TENM1: variants seen among roughly 807,000 people sequenced by gnomAD.
The protein encoded by TENM1 is teneurin-1.
In TENM1, 35 loss-of-function variants were observed where a neutral mutation model predicts 174.8. The ratio of observed to expected loss-of-function variants is 0.20; its 90% CI spans 0.15 to 0.27. TENM1 has a LOEUF of 0.27. Ranked by LOEUF, TENM1 falls within the 10% of genes least tolerant of loss-of-function variation. TENM1 has a pLI of 1.00. For missense variants in TENM1, 1,633 were observed against 2,130.1 expected (o/e 0.77, Z 4.59); for synonymous variants, 781 against 798.7 (o/e 0.98, Z 0.37).
chrX:124,916,299 A>T (rs1440271746), intron 1 of TENM1, among the ~76,000 whole-genome samples: 1 of 110,157 alleles, frequency 9.1e-6, no homozygotes, highest in Non-Finnish European at 1.9e-5. Flanking sequence ...CCCCTCCAAA[A>T]CTCATACTGA....
At chrX:124,791,344 A>G (rs763267802) in intron 3 of TENM1, among the ~76,000 whole-genome samples, 1 of 111,981 alleles carries the variant, frequency 8.9e-6, no homozygotes, top group South Asian at 3.7e-4. Context: ...AAAGCAAATG[A>G]TAACAGTCTA....
chrX:124,396,929 T>C (rs1030318316), intron 27 of TENM1, among the ~76,000 whole-genome samples: 3 of 111,648 alleles, frequency 2.7e-5, no homozygotes, highest in Non-Finnish European at 3.8e-5. Context: ...CCTTTGAGTT[T>C]GGCAACTGAC....
intron 27 of TENM1, among the ~76,000 whole-genome samples, chrX:124,403,855 T>C (rs1241906565): frequency 1.8e-5 from 2 of 111,612 alleles, no homozygotes. Flanking sequence ...CCCTAACTCA[T>C]TCAGATTACC....
intron 23 of TENM1, among the ~76,000 whole-genome samples, chrX:124,433,100 T>C (rs1449474897): frequency 2.7e-5 from 3 of 111,961 alleles, no homozygotes; most frequent in Non-Finnish European, 5.6e-5. Flanking sequence ...ACATCTAGCC[T>C]GGCTGCTCTC....
the TENM1 span, among the ~76,000 whole-genome samples, chrX:125,056,156 T>TTACCACAGATG: frequency 5.0e-3 from 562 of 111,785 alleles, 3 homozygotes; most frequent in African/African-American, 0.017. Context: ...TTGGCAAGAT[T>TTACCACAGATG]ATTATTGTTC....
At chrX:124,572,112 C>T (rs995353625) in intron 11 of TENM1, among the ~76,000 whole-genome samples, 1 of 110,366 alleles carries the variant, frequency 9.1e-6, no homozygotes. Context: ...CTTAATAGGC[C>T]AATCTCACTT....
chrX:124,643,057 CA>C (rs1355302348), intron 10 of TENM1, among the ~76,000 whole-genome samples: 1 of 111,146 alleles, frequency 9.0e-6, no homozygotes, highest in African/African-American at 3.3e-5. Flanking sequence ...GTCATTAGCA[CA>C]ATAATTTATT....
the TENM1 span, among the ~76,000 whole-genome samples, chrX:125,047,883 A>G: frequency 9.0e-6 from 1 of 110,729 alleles, no homozygotes; most frequent in Admixed American, 9.7e-5. Flanking sequence ...ACCTTTTGAC[A>G]CTCCCCTAAA....
chrX:125,028,260 A>T, the TENM1 span, among the ~76,000 whole-genome samples: 1 of 112,377 alleles, frequency 8.9e-6, no homozygotes, highest in African/African-American at 3.2e-5. Context: ...TTTATATATT[A>T]ACAGAATGAA....
chrX:124,562,671 C>A (rs952358429), intron 13 of TENM1, among the ~76,000 whole-genome samples: 3 of 112,532 alleles, frequency 2.7e-5, no homozygotes, highest in African/African-American at 9.7e-5. Context: ...CTCTTTGTAC[C>A]CGTAGTCTGG....
At chrX:125,099,444 A>G in the TENM1 span, among the ~76,000 whole-genome samples, 1 of 112,370 alleles carries the variant, frequency 8.9e-6, no homozygotes, top group African/African-American at 3.2e-5. Flanking sequence ...CAGTAAAGAG[A>G]TGGATGCACA....
intron 1 of TENM1, among the ~76,000 whole-genome samples, chrX:124,951,655 T>TAC (rs1217639331): frequency 7.6e-5 from 4 of 52,330 alleles, no homozygotes; most frequent in Admixed American, 5.5e-4. Context: ...TATATATATA[T>TAC]ATATATATAT....
chrX:124,762,433 T>C (rs2054441025), intron 3 of TENM1, among the ~76,000 whole-genome samples: 1 of 112,567 alleles, frequency 8.9e-6, no homozygotes, highest in African/African-American at 3.2e-5. Context: ...CTAAGACAGA[T>C]GGTTTTAAAA....
chrX:124,590,098 G>A (rs1256162540), intron 11 of TENM1, among the ~76,000 whole-genome samples: 1 of 111,496 alleles, frequency 9.0e-6, no homozygotes, highest in Non-Finnish European at 1.9e-5. Flanking sequence ...AGAGATTTGG[G>A]TATGTCCTGT....
chrX:125,068,270 G>GA, the TENM1 span, among the ~76,000 whole-genome samples: 30 of 111,147 alleles, frequency 2.7e-4, no homozygotes, highest in African/African-American at 6.5e-4. Flanking sequence ...ATGAGATATG[G>GA]AAAAAAATCC....
chrX:124,467,406 C>T (rs766321615), intron 22 of TENM1, among the ~76,000 whole-genome samples: 2 of 111,670 alleles, frequency 1.8e-5, no homozygotes, highest in East Asian at 2.8e-4. Context: ...ACTCATTATA[C>T]GGAGGCTCTC....
exon 22 of TENM1, chrX:124,481,891 T>C: frequency 8.3e-7 from 1 of 1,206,837 alleles, no homozygotes; most frequent in Non-Finnish European, 1.1e-6. Context: ...ACTTTGCGAG[T>C]ATTGGTGTCT....
At chrX:125,174,129 A>G in the TENM1 span, among the ~76,000 whole-genome samples, 14 of 111,305 alleles carry the variant, frequency 1.3e-4, no homozygotes, top group African/African-American at 4.2e-4. Context: ...AGGGGATCCA[A>G]CCTCGGAAAT....
intron 10 of TENM1, among the ~76,000 whole-genome samples, chrX:124,644,057 A>G (rs916961911): frequency 1.0e-5 from 1 of 100,291 alleles, no homozygotes; most frequent in African/African-American, 3.6e-5. Context: ...ATATATATAT[A>G]TATATATATA....
Sources: gnomAD v4.1 joint callset for allele counts (sites outside exome capture counted in the v4.1 genomes callset) on GRCh38, gnomAD v4.1.1 for gene constraint, MANE v1.5 for transcripts, NCBI Gene and HGNC (gene_info 2026-07-23, HGNC 2026-07-21) for gene names.